ZFYVE26: variants seen among roughly 807,000 people sequenced by gnomAD.
ZFYVE26 encodes the protein zinc finger FYVE domain-containing protein 26.
Under a neutral mutation model 276.5 loss-of-function variants are expected in ZFYVE26, and 181 were observed. That is an observed-to-expected ratio of 0.65 (90% CI 0.58 to 0.74). ZFYVE26 has a LOEUF of 0.74. ZFYVE26 is among the 30% of genes least tolerant of loss of function. ZFYVE26 has a pLI of 0.00. For missense variants in ZFYVE26, 2,821 were observed against 3,097.9 expected (o/e 0.91, Z 2.12); for synonymous variants, 1,129 against 1,203.1 (o/e 0.94, Z 1.27).
At chr14:67,789,886 G>C (rs1403619145) in intron 15 of ZFYVE26, among the ~76,000 whole-genome samples, 1 of 152,186 alleles carries the variant, frequency 6.6e-6, no homozygotes, top group African/African-American at 2.4e-5. Flanking sequence ...AATCAGAAAA[G>C]ATCTCTAGAA....
chr14:67,774,521 G>A (rs2039291018), intron 27 of ZFYVE26, among the ~76,000 whole-genome samples: 1 of 151,660 alleles, frequency 6.6e-6, no homozygotes, highest in Non-Finnish European at 1.5e-5. Context: ...GTGACCAGAA[G>A]ATGGGGATGG....
chr14:67,778,189 G>C lies in ZFYVE26; in HGVS notation c.4734C>G (p.Ile1578Met), dbSNP rs200243306. Residue 1578 changes from isoleucine to methionine, a missense_variant, in exon 24 of 42, where the codon ATC becomes ATG. Physicochemically the swap from Ile to Met is conservative, Grantham distance 10. Coordinates refer to ENST00000347230, the MANE Select transcript of ZFYVE26 (RefSeq NM_015346.4). Reference protein sequence around the residue: ...CLYPIPREHLISLHQKHLLHL... With the variant: ...CLYPIPREHLMSLHQKHLLHL... ...GGAGAAGATGCTTTTGATGAAGGCT[G>C]ATTAAATGTTCTCTTGGAATGGGGT... The C allele has an allele frequency of 6.2e-7, 1 of 1,614,144 alleles. No individual in the cohort carries two copies. Among genetic ancestry groups the C allele is most frequent in the Non-Finnish European group, 8.5e-7 (1 of 1,180,008 alleles).
At position 67,735,045 on chromosome 14, in the gene ZFYVE26, G is replaced by A. The variant is rs533389964; in HGVS notation, n.2680-5226C>T. On this transcript the variant is annotated intron_variant and non_coding_transcript_variant, in intron 13 of 14. Transcript: ENST00000394455. ...GTTTCCATCATATCCCAGATTATTA[G>A]ATGCACTTACAACCAACAGCAAATG... is the stretch of plus-strand genomic sequence containing the variant. 7 of 661,732 alleles carry A rather than the reference G, an allele frequency of 1.1e-5. No individual in the cohort carries two copies. In the East Asian group the frequency reaches 1.9e-4, roughly 18 times the overall value. The allele number at this position is 661,732 out of a possible 1,614,324, so 41.0% of individuals were successfully genotyped here.
At chr14:67,787,058 G>C (rs960744362) in intron 16 of ZFYVE26, among the ~76,000 whole-genome samples, 1 of 152,172 alleles carries the variant, frequency 6.6e-6, no homozygotes, top group African/African-American at 2.4e-5. Context: ...AGTAAGGGGT[G>C]GGGGAAGATG....
chr14:67,730,556 C>A (rs1338146910), intron 13 of ZFYVE26, among the ~76,000 whole-genome samples: 1 of 152,182 alleles, frequency 6.6e-6, no homozygotes, highest in African/African-American at 2.4e-5. Context: ...AAGTACAATG[C>A]AAATATTTCA....
chr14:67,798,911 G>T, intron 10 of ZFYVE26: 1 of 987,164 alleles, frequency 1.0e-6, no homozygotes, highest in Non-Finnish European at 1.5e-6. Flanking sequence ...CCCGGGGAGG[G>T]CGCTGAGCTC....
At chr14:67,760,888 A>G (rs1428213352) in intron 35 of ZFYVE26, 1 of 247,572 alleles carries the variant, frequency 4.0e-6, no homozygotes, top group Non-Finnish European at 7.8e-6. Flanking sequence ...TTCTTTCATC[A>G]TCTATTTGGG....
intron 18 of ZFYVE26, 55 bp from the exon 19 acceptor site, chr14:67,785,332 T>A: frequency 6.7e-7 from 1 of 1,500,502 alleles, no homozygotes; most frequent in East Asian, 2.5e-5. Flanking sequence ...GAGTCCAGCT[T>A]TGGGTCAATT....
intron 34 of ZFYVE26, chr14:67,761,992 C>T (rs1260747100): frequency 1.8e-5 from 11 of 603,622 alleles, no homozygotes; most frequent in Non-Finnish European, 3.2e-5. Context: ...AAATTGTCTC[C>T]TTTTTTTAAA....
chr14:67,736,771 G>A (rs1220013585), intron 13 of ZFYVE26, among the ~76,000 whole-genome samples: 1 of 152,206 alleles, frequency 6.6e-6, no homozygotes, highest in East Asian at 1.9e-4. Context: ...TTATTAGGAG[G>A]ACTGTTAGGA....
intron 21 of ZFYVE26, 23 bp downstream of exon 21, chr14:67,782,757 G>C: frequency 1.2e-6 from 2 of 1,613,806 alleles, no homozygotes; most frequent in Non-Finnish European, 1.7e-6. Flanking sequence ...TAGTGAAAAA[G>C]GGAGGCATAG....
intron 27 of ZFYVE26, among the ~76,000 whole-genome samples, chr14:67,773,990 G>A (rs981120812): frequency 1.3e-5 from 2 of 152,154 alleles, no homozygotes; most frequent in African/African-American, 4.8e-5. Context: ...AGGAGCTTGT[G>A]CTTTGTGTGT....
Position 67,747,464 on chromosome 14 carries a change from C to A in ZFYVE26, c.*972G>T, listed in dbSNP as rs2038513192. The A allele has an allele frequency of 6.6e-6, 1 of 152,184 alleles. No homozygotes were observed. Among genetic ancestry groups the A allele is most frequent in the African/African-American group, 2.4e-5 (1 of 41,434 alleles). 9.4% of individuals were successfully genotyped at this position (152,184 alleles called of 1,614,324 possible). ...AGGGAAAAGGAAGCAGCTTCCTAAC[C>A]AATTCAAGGAGCGCAAACAGGACTG... On this transcript the variant is annotated 3_prime_UTR_variant, in exon 42 of 42. Transcript: ENST00000347230.
intron 34 of ZFYVE26, chr14:67,761,913 C>T: frequency 1.8e-6 from 1 of 555,410 alleles, no homozygotes; most frequent in Non-Finnish European, 3.2e-6. Context: ...ATAGAAAATT[C>T]ACCAGAATTT....
Position 67,783,267 on chromosome 14 carries a change from T to A in ZFYVE26, c.3885A>T (p.Ser1295=). The change falls in exon 21 of 42, where the codon TCA becomes TCT. Residue 1295 remains serine (S), a synonymous_variant. Coordinates refer to ENST00000347230, the MANE Select transcript of ZFYVE26 (RefSeq NM_015346.4). ...CAGAGGAGGTGAGGGCTGGGAGTGA[T>A]GAGTCCCTTGGGGAGGAGTAGGGCT... ...ERKPYSSPRD[S]SLPALTSSAL... The A allele has an allele frequency of 1.2e-6, 2 of 1,613,918 alleles. No individual in the cohort carries two copies. The highest frequency in any genetic ancestry group is 2.2e-5 in the South Asian group (2 of 91,078).
At chr14:67,756,275 T>C in intron 35 of ZFYVE26, 130 bp from the exon 36 acceptor site, 4 of 939,826 alleles carry the variant, frequency 4.3e-6, no homozygotes, top group South Asian at 3.9e-5. Context: ...TAATCTTTTA[T>C]GTGTCACAGA....
chr14:67,777,649 G>T lies in ZFYVE26; in HGVS notation c.4884C>A (p.His1628Gln), dbSNP rs764247596. The change falls in exon 25 of 42, where the codon CAC becomes CAA. Residue 1628 changes from histidine (H) to glutamine (Q), a missense_variant. Transcript: ENST00000347230. ...LDQHTSLATSHFLANYLTTHF... is the reference protein window; with the variant it reads ...LDQHTSLATSQFLANYLTTHF... ...GGGTGGTGAGGTAGTTGGCCAAGAA[G>T]TGAGAAGTGGCCAAGCTAGTGTGCT... 1.9e-5 allele frequency: 31 copies of T among 1,614,062 alleles called. No homozygotes were observed. In the African/African-American group the frequency reaches 4.0e-4, roughly 21 times the overall value.
chr14:67,787,612 C>A (rs1301910066), intron 16 of ZFYVE26, among the ~76,000 whole-genome samples: 2 of 152,164 alleles, frequency 1.3e-5, no homozygotes, highest in Non-Finnish European at 2.9e-5. Flanking sequence ...CACCCACACA[C>A]ACACACAAAT....
chr14:67,798,729 T>C (rs1459383961), intron 10 of ZFYVE26, 107 bp from the exon 11 acceptor site: 36 of 1,393,988 alleles, frequency 2.6e-5, no homozygotes, highest in Admixed American at 1.2e-4. Flanking sequence ...CTTTAGCTCA[T>C]TTATTTATTT....
Sources: allele counts gnomAD v4.1 joint callset (sites outside exome capture counted in the v4.1 genomes callset), GRCh38; gene constraint gnomAD v4.1.1; transcripts MANE v1.5; gene names NCBI Gene and HGNC (gene_info 2026-07-23, HGNC 2026-07-21).